The following MAPRE2 variants were observed in gnomAD, a reference collection of about 807,000 sequenced individuals.
MAPRE2 encodes microtubule-associated protein RP/EB family member 2.
In MAPRE2, 13 loss-of-function variants were observed where a neutral mutation model predicts 43.2. That is an observed-to-expected ratio of 0.30 (90% CI 0.20 to 0.48). The LOEUF is 0.48. MAPRE2 is among the 20% of genes least tolerant of loss of function. The probability of loss-of-function intolerance (pLI) is 0.99; values close to 1 mark genes in which losing one functional copy is unlikely to be tolerated. For missense variants in MAPRE2, 161 were observed against 400.2 expected (o/e 0.40, Z 5.10); for synonymous variants, 135 against 148.8 (o/e 0.91, Z 0.68).
intron 4 of MAPRE2, among the ~76,000 whole-genome samples, chr18:35,108,991 G>A (rs1603401924): frequency 6.6e-6 from 1 of 152,168 alleles, no homozygotes; most frequent in East Asian, 1.9e-4. Flanking sequence ...GATCCCTTTT[G>A]TCAATTTTGG....
At chr18:35,041,373 G>A, upstream of MAPRE2, 2 of 1,467,234 alleles carry the variant, frequency 1.4e-6, no homozygotes, top group Non-Finnish European at 1.8e-6. Context: ...AGCTGCCAGA[G>A]GGCGGGGCCG....
chr18:35,042,189 A>T (rs928982096), intron 1 of MAPRE2, among the ~76,000 whole-genome samples: 1 of 152,290 alleles, frequency 6.6e-6, no homozygotes, highest in East Asian at 1.9e-4. Context: ...TGGTGCAGGG[A>T]TTGACAGCAG....
At chr18:35,035,292 C>T (rs1294891193) in intron 2 of MAPRE2, among the ~76,000 whole-genome samples, 2 of 148,142 alleles carry the variant, frequency 1.4e-5, no homozygotes, top group Non-Finnish European at 3.0e-5. Context: ...TGTTCTCACT[C>T]GTAGGTGGGA....
chr18:35,012,079 G>T (rs1311419350), intron 2 of MAPRE2, among the ~76,000 whole-genome samples: 1 of 152,162 alleles, frequency 6.6e-6, no homozygotes, highest in Non-Finnish European at 1.5e-5. Flanking sequence ...GTTGGCAGAA[G>T]ATAGTGCCCA....
chr18:35,070,381 G>T, intron 2 of MAPRE2, 59 bp downstream of exon 2: 1 of 1,410,504 alleles, frequency 7.1e-7, no homozygotes, highest in Non-Finnish European at 9.5e-7. Context: ...TGTGGAATGT[G>T]ATTTTATGAA....
chr18:35,047,703 T>C (rs1401049094), intron 1 of MAPRE2, among the ~76,000 whole-genome samples: 1 of 143,752 alleles, frequency 7.0e-6, no homozygotes, highest in East Asian at 2.1e-4. Context: ...AAATAATTTC[T>C]TAGTAGGTTA....
chr18:35,081,099 A>G (rs1195942103), intron 2 of MAPRE2, among the ~76,000 whole-genome samples: 2 of 152,258 alleles, frequency 1.3e-5, no homozygotes, highest in Non-Finnish European at 2.9e-5. Flanking sequence ...ACAAAAGTGT[A>G]GAAGGAGCCA....
intron 2 of MAPRE2, among the ~76,000 whole-genome samples, chr18:35,085,971 A>C (rs1401911520): frequency 6.6e-6 from 1 of 152,218 alleles, no homozygotes; most frequent in African/African-American, 2.4e-5. Context: ...AATGATTCAC[A>C]TCATGAAGAG....
chr18:35,138,115 C>T (rs1281420876), intron 6 of MAPRE2, among the ~76,000 whole-genome samples: 1 of 152,148 alleles, frequency 6.6e-6, no homozygotes, highest in African/African-American at 2.4e-5. Flanking sequence ...GGACCAGCCT[C>T]ACATGTGCCA....
Position 35,078,671 on chromosome 18 carries a change from A to T in MAPRE2, c.250+8349A>T, listed in dbSNP as rs75358094. On this transcript the variant is annotated intron_variant, in intron 2 of 6. Coordinates refer to ENST00000300249, the MANE Select transcript of MAPRE2 (RefSeq NM_014268.4). ...CGAAGGGTTCACTGTGTGTTTGCCC[A>T]TGTGGATGTGTTTCTGATTCTTTCC... Among the ~76,000 whole-genome samples, 885 of 152,308 alleles carry T rather than the reference A, an allele frequency of 5.8e-3. 4 individuals are homozygous for T. The highest frequency in any genetic ancestry group is 0.02 in the African/African-American group (815 of 41,558).
intron 1 of MAPRE2, among the ~76,000 whole-genome samples, chr18:35,068,893 C>A (rs982148407): frequency 2.0e-5 from 3 of 152,162 alleles, no homozygotes; most frequent in Admixed American, 6.5e-5. Flanking sequence ...TAACCTTTGG[C>A]AGCTGATGGG....
intron 1 of MAPRE2, among the ~76,000 whole-genome samples, chr18:35,056,265 T>C (rs765950661): frequency 3.9e-5 from 6 of 152,112 alleles, no homozygotes; most frequent in Non-Finnish European, 5.9e-5. Flanking sequence ...TATATAAATA[T>C]ACATAATGAA....
At chr18:35,102,616 G>A (rs1358589848) in intron 4 of MAPRE2, among the ~76,000 whole-genome samples, 2 of 152,102 alleles carry the variant, frequency 1.3e-5, no homozygotes, top group East Asian at 1.9e-4. Context: ...TACCTCCTCT[G>A]TAGGCAGTGG....
At chr18:35,137,438 A>C (rs761640776) in intron 6 of MAPRE2, among the ~76,000 whole-genome samples, 5 of 152,328 alleles carry the variant, frequency 3.3e-5, no homozygotes, top group Admixed American at 2.6e-4. Flanking sequence ...TGATTACTTG[A>C]ATCTAGGTCT....
chr18:35,138,213 G>C (rs1469730921), intron 6 of MAPRE2, among the ~76,000 whole-genome samples: 1 of 152,178 alleles, frequency 6.6e-6, no homozygotes, highest in Non-Finnish European at 1.5e-5. Flanking sequence ...GGCAGAAGGG[G>C]AGTAAAGAGG....
intron 1 of MAPRE2, among the ~76,000 whole-genome samples, chr18:34,992,862 C>T (rs1260977526): frequency 6.6e-6 from 1 of 151,340 alleles, no homozygotes; most frequent in Non-Finnish European, 1.5e-5. Context: ...CAGAAAACTT[C>T]CTGAGCTCAC....
At chr18:35,066,600 T>C (rs571157590) in intron 1 of MAPRE2, among the ~76,000 whole-genome samples, 3 of 152,348 alleles carry the variant, frequency 2.0e-5, no homozygotes, top group Non-Finnish European at 2.9e-5. Flanking sequence ...AGTTTAACTA[T>C]ATGGAAAGCA....
chr18:35,011,913 G>T (rs77594848), intron 2 of MAPRE2, among the ~76,000 whole-genome samples: 3,416 of 152,114 alleles, frequency 0.022, 128 homozygotes, highest in African/African-American at 0.077. Context: ...GAATACAGCC[G>T]GAGGAGGTGC....
chr18:34,983,822 G>T (rs1239419059), intron 1 of MAPRE2, among the ~76,000 whole-genome samples: 1 of 151,998 alleles, frequency 6.6e-6, no homozygotes, highest in Non-Finnish European at 1.5e-5. Context: ...TAGAGATGAG[G>T]TTTCACCATG....
Sources: allele counts gnomAD v4.1 joint callset (sites outside exome capture counted in the v4.1 genomes callset), GRCh38; gene constraint gnomAD v4.1.1; transcripts MANE v1.5; gene names NCBI Gene and HGNC (gene_info 2026-07-23, HGNC 2026-07-21).